Variants in PER2 observed in about 807,000 individuals in gnomAD.
PER2 encodes period circadian protein homolog 2.
Under a neutral mutation model 121.0 loss-of-function variants are expected in PER2, and 66 were observed. The observed-to-expected ratio is 0.55, with a 90% CI of 0.45 to 0.67. PER2 has a LOEUF of 0.67. PER2 is among the 30% of genes least tolerant of loss of function. The pLI, the probability that PER2 is intolerant of heterozygous loss-of-function variation, is 0.00. For missense variants in PER2, 1,521 were observed against 1,635.0 expected, an observed-to-expected ratio of 0.93 and a Z score of 1.20; for synonymous variants, 684 against 659.9, an observed-to-expected ratio of 1.04 and a Z score of -0.56.
chr2:238,293,363 T>C (rs1301430280), upstream of PER2, among the ~76,000 whole-genome samples: 1 of 152,208 alleles, frequency 6.6e-6, no homozygotes, highest in African/African-American at 2.4e-5. Context: ...CTTCTCTTAT[T>C]ATCAGTTTTG....
the PER2 span, chr2:238,295,769 G>T: frequency 6.2e-6 from 1 of 161,466 alleles, no homozygotes; most frequent in Non-Finnish European, 1.4e-5. Context: ...GAAATTGGGA[G>T]ACACCCTACC....
At chr2:238,255,339 G>A (rs899865432) in intron 18 of PER2, 20 of 451,250 alleles carry the variant, frequency 4.4e-5, no homozygotes, top group East Asian at 9.1e-5. Context: ...TGGAGGTCCC[G>A]TCCAGGTGGG....
chr2:238,247,096 G>T (rs1464178582), intron 22 of PER2: 3 of 152,816 alleles, frequency 2.0e-5, no homozygotes, highest in African/African-American at 7.2e-5. Flanking sequence ...GTGACGCAAT[G>T]ATTTTGAAAC....
At chr2:238,280,422 A>G (rs59257595) in intron 1 of PER2, among the ~76,000 whole-genome samples, 2,854 of 152,332 alleles carry the variant, frequency 0.019, 104 homozygotes, top group African/African-American at 0.066. Flanking sequence ...ACACACAGCA[A>G]AGACAACTGA....
intron 12 of PER2, 60 bp from the exon 13 acceptor site, chr2:238,261,013 C>T: frequency 3.8e-6 from 6 of 1,583,708 alleles, no homozygotes; most frequent in South Asian, 2.2e-5. Context: ...ATGCATGTGG[C>T]CCCCTGCCAA....
intron 13 of PER2, 108 bp downstream of exon 13, chr2:238,260,720 C>G (rs1695899892): frequency 8.2e-7 from 1 of 1,224,776 alleles, no homozygotes; most frequent in South Asian, 1.2e-5. Flanking sequence ...GCAACAGCTG[C>G]AATCAGGAAG....
At position 238,245,979 on chromosome 2, in the gene PER2, C is replaced by T. The variant is rs945081669; in HGVS notation, c.*396G>A. On this transcript the variant is annotated 3_prime_UTR_variant, in exon 23 of 23. Transcript: ENST00000254657. ...GACAAAATTTGATCTGATCCAAACACCCTGGGAAAGCTCTGGAAGCCAGAG... is the reference window on the plus strand; with the variant it reads ...GACAAAATTTGATCTGATCCAAACATCCTGGGAAAGCTCTGGAAGCCAGAG... The T allele has an allele frequency of 2.1e-5, 5 of 241,018 alleles. No homozygotes were observed. Among genetic ancestry groups the T allele is most frequent in the African/African-American group, 8.9e-5 (4 of 45,054 alleles). The allele number at this position is 241,018 out of a possible 1,614,324, so 14.9% of individuals were successfully genotyped here.
Position 238,263,009 on chromosome 2 carries a change from C to T in PER2, c.1096G>A (p.Val366Met). ...YLPQDLIETP[V>M]LVQLHPSDRP... Reference sequence around the variant, plus strand: ...TCACTAGGGTGGAGCTGCACGAGCACTGGGGTTTCAATCAGGTCCTGAGGT... The same window carrying T: ...TCACTAGGGTGGAGCTGCACGAGCATTGGGGTTTCAATCAGGTCCTGAGGT... Residue 366 changes from valine (V) to methionine (M), a missense_variant, in exon 10 of 23, where the codon GTG (valine) becomes ATG (methionine). Physicochemically the swap from Val to Met is conservative, Grantham distance 21. Transcript: ENST00000254657. 1 of 1,614,104 alleles carries T rather than the reference C, an allele frequency of 6.2e-7. No individual in the cohort carries two copies. Among genetic ancestry groups the T allele is most frequent in the Non-Finnish European group, 8.5e-7 (1 of 1,179,990 alleles).
rs1311275294 is a variant in PER2, at chr2:238,256,972, T to C, written c.2015A>G (p.Tyr672Cys). The C allele has an allele frequency of 6.2e-7, 1 of 1,613,958 alleles. No homozygotes were observed. The highest frequency in any genetic ancestry group is 8.5e-7 in the Non-Finnish European group (1 of 1,179,988). The change falls in exon 17 of 23, where the codon TAC becomes TGC. Residue 672 changes from tyrosine (Y) to cysteine (C), a missense_variant. Physicochemically the swap from Tyr to Cys is radical, Grantham distance 194 (BLOSUM62 -2). Transcript: ENST00000254657. The stretch of plus-strand genomic sequence containing the variant: ...TCCCACATGGACGATGGTGCTGCTG[T>C]AGCTGCACTGGCTGGTGAGCGACGC... Reference protein sequence around the residue: ...SVASLTSQCSYSSTIVHVGDK... With the variant: ...SVASLTSQCSCSSTIVHVGDK...
chr2:238,289,310 C>T (rs889713827), upstream of PER2: 1 of 152,230 alleles, frequency 6.6e-6, no homozygotes, highest in South Asian at 2.1e-4. Flanking sequence ...TTCACTCACT[C>T]ATTCATCGCG....
At chr2:238,281,225 A>G (rs1326680687) in intron 1 of PER2, among the ~76,000 whole-genome samples, 1 of 151,988 alleles carries the variant, frequency 6.6e-6, no homozygotes, top group Non-Finnish European at 1.5e-5. Flanking sequence ...GATGGTCTTG[A>G]TCTCTTGACC....
intron 18 of PER2, chr2:238,255,134 T>C (rs1695722509): frequency 5.9e-6 from 1 of 170,742 alleles, no homozygotes; most frequent in African/African-American, 2.4e-5. Flanking sequence ...AAGTGGCACC[T>C]GGCCTACACA....
rs1356183127 is a variant in PER2, at chr2:238,246,164, T to A, written c.*211A>T. 1 of 322,776 alleles carries A rather than the reference T, an allele frequency of 3.1e-6. No homozygotes were observed. The allele number at this position is 322,776 out of a possible 1,614,324, so 20.0% of individuals were successfully genotyped here. ...CACAAAACTCCACATATATATTTTA[T>A]ATATAAAAACATATTTCTTTCCGAA... On this transcript the variant is annotated 3_prime_UTR_variant, in exon 23 of 23. Coordinates refer to ENST00000254657, the MANE Select transcript of PER2 (RefSeq NM_022817.3).
Position 238,253,799 on chromosome 2 carries a change from A to T in PER2, c.2321-97T>A. ...GTCCTGGGTTTCCAAATGCTGGCCC[A>T]GGGCCTGCCTGGTCCACCGAGCGGT... On this transcript the variant is annotated intron_variant, in intron 18 of 22. Coordinates refer to ENST00000254657, the MANE Select transcript of PER2 (RefSeq NM_022817.3). The surrounding 1 kb of genome is among the most constrained non-coding windows in gnomAD (Gnocchi z 5.6). The T allele has an allele frequency of 7.3e-6, 7 of 955,668 alleles. No homozygotes were observed. Among genetic ancestry groups the T allele is most frequent in the Non-Finnish European group, 1.1e-5 (7 of 618,798 alleles). 59.2% of individuals were successfully genotyped at this position (955,668 alleles called of 1,614,324 possible).
rs768768597 is a variant in PER2 at position 238,265,607 on chromosome 2, T to C, written c.968-17A>G. 2 of 1,424,546 alleles carry C rather than the reference T, an allele frequency of 1.4e-6. No homozygotes were observed. The highest frequency in any genetic ancestry group is 1.4e-5 in the African/African-American group (1 of 71,092). The allele number at this position is 1,424,546 out of a possible 1,614,324, so 88.2% of individuals were successfully genotyped here. A position where few individuals can be genotyped will look rare whatever the true frequency, so the allele number is the denominator to read the frequency against. ...TTCTAGGGGCTGAAAGAACAGAATA[T>C]TGCACACATTTGTGATCCTAAGAAA... is the stretch of plus-strand genomic sequence containing the variant. On this transcript the variant is annotated splice_polypyrimidine_tract_variant and intron_variant, in intron 8 of 22. Coordinates refer to ENST00000254657, the MANE Select transcript of PER2 (RefSeq NM_022817.3).
chr2:238,245,370 G>C lies in PER2; in HGVS notation c.*1005C>G. ...ACCCAACCCAGGGTGCAGTGGGAGAGGTGAGCTCACTGCACCCCTGAAAAT... is the reference window on the plus strand; with the variant it reads ...ACCCAACCCAGGGTGCAGTGGGAGACGTGAGCTCACTGCACCCCTGAAAAT... On this transcript the variant is annotated 3_prime_UTR_variant, in exon 23 of 23. Transcript: ENST00000254657. 2.6e-6 allele frequency: 1 copy of C among 388,938 alleles called. No homozygotes were observed. Among genetic ancestry groups the C allele is most frequent in the Non-Finnish European group, 4.5e-6 (1 of 220,308 alleles). The allele number at this position is 388,938 out of a possible 1,614,324, so 24.1% of individuals were successfully genotyped here. A position where few individuals can be genotyped will look rare whatever the true frequency, so the allele number is the denominator to read the frequency against.
At chr2:238,280,963 T>A (rs1412759827) in intron 1 of PER2, among the ~76,000 whole-genome samples, 3 of 151,454 alleles carry the variant, frequency 2.0e-5, no homozygotes, top group African/African-American at 7.3e-5. Context: ...TAGTCTTGGA[T>A]ATCTCTTCAG....
At chr2:238,271,084 G>T (rs942753017) in intron 6 of PER2, among the ~76,000 whole-genome samples, 2 of 152,210 alleles carry the variant, frequency 1.3e-5, no homozygotes, top group Non-Finnish European at 2.9e-5. Flanking sequence ...AATGCCTAAC[G>T]GTTTTCTCTC....
At chr2:238,268,000 G>GT in intron 8 of PER2, 56 bp downstream of exon 8, 1 of 1,596,850 alleles carries the variant, frequency 6.3e-7, no homozygotes, top group East Asian at 2.2e-5. Flanking sequence ...AACCACAGGA[G>GT]TAACTGAGGG....
Sources: allele counts gnomAD v4.1 joint callset (sites outside exome capture counted in the v4.1 genomes callset), GRCh38; gene constraint gnomAD v4.1.1; non-coding constraint Gnocchi (gnomAD v3.1); transcripts MANE v1.5; gene names NCBI Gene and HGNC (gene_info 2026-07-23, HGNC 2026-07-21).